The following NEGR1 variants were observed in gnomAD, a reference collection of about 807,000 sequenced individuals.
The protein encoded by NEGR1 is IgLON family member 4.
NEGR1 carries 10 observed loss-of-function variants against 40.9 expected under a neutral mutation model. The observed-to-expected ratio is 0.24, with a 90% CI of 0.15 to 0.42. NEGR1 has a LOEUF of 0.42. Ranked by LOEUF, NEGR1 falls within the 10% of genes least tolerant of loss-of-function variation. NEGR1 has a pLI of 1.00. For missense variants in NEGR1, 352 were observed against 438.9 expected, an observed-to-expected ratio of 0.80 and a Z score of 1.77; for synonymous variants, 185 against 166.8, an observed-to-expected ratio of 1.11 and a Z score of -0.84.
intron 1 of NEGR1, among the ~76,000 whole-genome samples, chr1:72,276,650 T>G (rs750640625): frequency 2.0e-5 from 3 of 152,184 alleles, no homozygotes; most frequent in Non-Finnish European, 4.4e-5. Context: ...TCAATATTCT[T>G]ATGGTTTAAC....
chr1:71,788,916 A>G (rs1657013040), intron 2 of NEGR1, among the ~76,000 whole-genome samples: 1 of 152,118 alleles, frequency 6.6e-6, no homozygotes, highest in African/African-American at 2.4e-5. Flanking sequence ...TAGCTTATAT[A>G]TTATGGAAGA....
chr1:72,162,456 CCAAACAAA>C (rs745791852), intron 1 of NEGR1, among the ~76,000 whole-genome samples: 24 of 151,504 alleles, frequency 1.6e-4, no homozygotes, highest in African/African-American at 4.1e-4. Flanking sequence ...ACAGAGGAAG[CCAAACAAA>C]CAAACAAACA....
At chr1:72,011,029 T>C (rs550471686) in intron 1 of NEGR1, among the ~76,000 whole-genome samples, 1 of 152,240 alleles carries the variant, frequency 6.6e-6, no homozygotes, top group Non-Finnish European at 1.5e-5. Context: ...GATTAAGGAA[T>C]AAAGTAACAA....
At chr1:71,774,767 C>T (rs946725973) in intron 3 of NEGR1, among the ~76,000 whole-genome samples, 1 of 152,058 alleles carries the variant, frequency 6.6e-6, no homozygotes, top group Non-Finnish European at 1.5e-5. Flanking sequence ...ACATCTCTGA[C>T]TCCCAGGGTG....
intron 6 of NEGR1, among the ~76,000 whole-genome samples, chr1:71,566,864 C>T (rs551135108): frequency 3.9e-5 from 6 of 152,162 alleles, no homozygotes; most frequent in South Asian, 4.2e-4. Context: ...GGTGAGGGCC[C>T]GTTCTTCAGG....
At chr1:71,863,848 T>A (rs541274539) in intron 2 of NEGR1, among the ~76,000 whole-genome samples, 1 of 152,286 alleles carries the variant, frequency 6.6e-6, no homozygotes, top group South Asian at 2.1e-4. Flanking sequence ...GACTGTCCCT[T>A]ATTAATAGAA....
At chr1:72,263,145 A>G (rs1006839685) in intron 1 of NEGR1, among the ~76,000 whole-genome samples, 1 of 151,562 alleles carries the variant, frequency 6.6e-6, no homozygotes, top group Non-Finnish European at 1.5e-5. Context: ...ATCTACATAT[A>G]CTTAAATATT....
chr1:71,420,082 T>G (rs1266558341), intron 6 of NEGR1, among the ~76,000 whole-genome samples: 1 of 152,060 alleles, frequency 6.6e-6, no homozygotes, highest in Non-Finnish European at 1.5e-5. Flanking sequence ...TATATTACTG[T>G]TTGAAATCAT....
intron 1 of NEGR1, among the ~76,000 whole-genome samples, chr1:72,275,853 T>C (rs1425966152): frequency 1.3e-5 from 2 of 152,122 alleles, no homozygotes; most frequent in African/African-American, 4.8e-5. Context: ...CTCTGGCTAC[T>C]TGAGAGCTTG....
At chr1:71,620,161 AGAG>A (rs983541963) in intron 4 of NEGR1, among the ~76,000 whole-genome samples, 3 of 152,170 alleles carry the variant, frequency 2.0e-5, no homozygotes, top group African/African-American at 7.2e-5. Flanking sequence ...AAGGGTGCCC[AGAG>A]AAGAAGAGTA....
intron 1 of NEGR1, among the ~76,000 whole-genome samples, chr1:72,235,029 C>T (rs192062200): frequency 6.6e-6 from 1 of 152,140 alleles, no homozygotes; most frequent in Admixed American, 6.6e-5. Flanking sequence ...CCAATAATGA[C>T]AGACTGGATA....
chr1:72,079,945 T>G (rs929838734), intron 1 of NEGR1, among the ~76,000 whole-genome samples: 8 of 152,264 alleles, frequency 5.3e-5, no homozygotes, highest in South Asian at 4.1e-4. Flanking sequence ...GAGATTATAT[T>G]TGCCTATCTG....
chr1:71,927,818 T>TAAAAAAAAA (rs35429988), intron 2 of NEGR1, among the ~76,000 whole-genome samples: 5 of 22,448 alleles, frequency 2.2e-4, no homozygotes, highest in Admixed American at 7.8e-4. Context: ...ACCCAATCTC[T>TAAAAAAAAA]AAAAAAAAAA....
chr1:71,717,717 C>T (rs1654324672), intron 3 of NEGR1, among the ~76,000 whole-genome samples: 1 of 152,100 alleles, frequency 6.6e-6, no homozygotes, highest in Non-Finnish European at 1.5e-5. Flanking sequence ...TCCTAAAGCC[C>T]AGTACTTCAG....
chr1:71,659,438 G>T (rs1001173912), intron 4 of NEGR1, among the ~76,000 whole-genome samples: 1 of 152,092 alleles, frequency 6.6e-6, no homozygotes, highest in Admixed American at 6.6e-5. Flanking sequence ...TCATGACAAA[G>T]ACACCAAAAG....
intron 2 of NEGR1, among the ~76,000 whole-genome samples, chr1:71,909,189 A>G (rs911265518): frequency 6.6e-6 from 1 of 152,198 alleles, no homozygotes; most frequent in Admixed American, 6.5e-5. Flanking sequence ...GTCTATTTAC[A>G]GAGAGTACTT....
At chr1:71,725,382 T>G (rs1470661943) in intron 3 of NEGR1, among the ~76,000 whole-genome samples, 1 of 152,130 alleles carries the variant, frequency 6.6e-6, no homozygotes, top group Non-Finnish European at 1.5e-5. Flanking sequence ...GATCCGTCAT[T>G]GCAGATACTC....
intron 6 of NEGR1, among the ~76,000 whole-genome samples, chr1:71,431,159 CATTGTTTAG>C (rs1646466086): frequency 6.7e-6 from 1 of 150,188 alleles, no homozygotes; most frequent in Non-Finnish European, 1.5e-5. Flanking sequence ...TATTCCCTGG[CATTGTTTAG>C]ATGTATTCAA....
chr1:71,436,327 T>C (rs1026966144), intron 6 of NEGR1, among the ~76,000 whole-genome samples: 7 of 151,974 alleles, frequency 4.6e-5, no homozygotes, highest in African/African-American at 1.7e-4. Context: ...TAGCAGAAGA[T>C]GACTTGATGG....
Sources: gnomAD v4.1 joint callset for allele counts (sites outside exome capture counted in the v4.1 genomes callset) on GRCh38, gnomAD v4.1.1 for gene constraint, MANE v1.5 for transcripts, NCBI Gene and HGNC (gene_info 2026-07-23, HGNC 2026-07-21) for gene names.